The following TRPM3 variants were observed in gnomAD, a reference collection of about 807,000 sequenced individuals.
TRPM3 encodes transient receptor potential cation channel subfamily M member 3, also known as long transient receptor potential channel 3.
TRPM3 carries 77 observed loss-of-function variants against 181.2 expected under a neutral mutation model. That is an observed-to-expected ratio of 0.42 (90% CI 0.35 to 0.51). The LOEUF is 0.51. TRPM3 is among the 20% of genes least tolerant of loss of function. TRPM3 has a pLI of 0.01. For synonymous variants in TRPM3, 745 were observed against 796.4 expected (o/e 0.94, Z 1.09); for missense variants, 1,759 against 2,196.7 (o/e 0.80, Z 3.98).
chr9:71,116,886 C>T (rs373885912), intron 1 of TRPM3, among the ~76,000 whole-genome samples: 98 of 152,278 alleles, frequency 6.4e-4, no homozygotes, highest in African/African-American at 2.3e-3. Flanking sequence ...CCATGGGGCT[C>T]ATCCTCATTA....
At chr9:71,371,991 C>G (rs547929940) in intron 1 of TRPM3, among the ~76,000 whole-genome samples, 1 of 152,244 alleles carries the variant, frequency 6.6e-6, no homozygotes, top group South Asian at 2.1e-4. Context: ...CACATCCCCC[C>G]CACAGGTGCC....
At position 71,120,172 on chromosome 9, in the gene TRPM3, T is replaced by C. The variant is rs192667396; in HGVS notation, c.177+1006A>G. Among the ~76,000 whole-genome samples, 237 of 152,378 alleles carry C rather than the reference T, an allele frequency of 1.6e-3. 1 individual carries two copies. Among genetic ancestry groups the C allele is most frequent in the African/African-American group, 5.3e-3 (222 of 41,582 alleles). ...GGGCTAATTCATTAATTCTCCATTG[T>C]AGCCCACTGGACTCAATGCTCTGTG... On this transcript the variant is annotated intron_variant, in intron 1 of 25. Coordinates refer to ENST00000677713, the MANE Select transcript of TRPM3 (RefSeq NM_001366145.2).
chr9:71,133,614 G>C (rs974444389), intron 1 of TRPM3, among the ~76,000 whole-genome samples: 1 of 151,966 alleles, frequency 6.6e-6, no homozygotes, highest in Non-Finnish European at 1.5e-5. Context: ...TCTTTTATTA[G>C]AGTTTTAATT....
intron 6 of TRPM3, among the ~76,000 whole-genome samples, chr9:70,785,932 G>A (rs1346727226): frequency 6.6e-6 from 1 of 152,158 alleles, no homozygotes; most frequent in Non-Finnish European, 1.5e-5. Flanking sequence ...GGAACTGGGA[G>A]AGACAAGTGA....
intron 1 of TRPM3, among the ~76,000 whole-genome samples, chr9:71,224,790 A>T (rs890428581): frequency 6.6e-6 from 1 of 152,164 alleles, no homozygotes; most frequent in East Asian, 1.9e-4. Flanking sequence ...AAAAGAAAAA[A>T]AAAAGAAAGA....
chr9:71,161,766 C>T (rs2076283214), intron 1 of TRPM3, among the ~76,000 whole-genome samples: 1 of 152,092 alleles, frequency 6.6e-6, no homozygotes, highest in African/African-American at 2.4e-5. Flanking sequence ...AAAGATGCTA[C>T]ATTCTAGTAA....
intron 1 of TRPM3, among the ~76,000 whole-genome samples, chr9:71,319,408 C>T (rs941250337): frequency 1.3e-5 from 2 of 152,114 alleles, no homozygotes; most frequent in Non-Finnish European, 2.9e-5. Context: ...AATATCAAGA[C>T]CCAAGAGCCA....
intron 1 of TRPM3, among the ~76,000 whole-genome samples, chr9:71,438,383 G>A (rs1030699273): frequency 1.3e-5 from 2 of 152,026 alleles, no homozygotes; most frequent in African/African-American, 4.8e-5. Context: ...TTTTAATAGA[G>A]TCCTGGGTGG....
chr9:71,410,661 C>A (rs976963142), intron 1 of TRPM3, among the ~76,000 whole-genome samples: 1 of 152,132 alleles, frequency 6.6e-6, no homozygotes, highest in East Asian at 1.9e-4. Flanking sequence ...GGATTCACAG[C>A]CAAATTCTAC....
intron 1 of TRPM3, among the ~76,000 whole-genome samples, chr9:70,946,062 G>T (rs529939972): frequency 1.2e-4 from 19 of 152,240 alleles, no homozygotes; most frequent in Middle Eastern, 3.4e-3. Flanking sequence ...TAGTACAAAT[G>T]ATCAAATATA....
chr9:71,272,679 T>G (rs1259582732), intron 1 of TRPM3, among the ~76,000 whole-genome samples: 3 of 152,166 alleles, frequency 2.0e-5, no homozygotes, highest in African/African-American at 7.2e-5. Context: ...TAATAGAAAC[T>G]GTATAAATAT....
chr9:70,970,228 T>C (rs571422620), intron 1 of TRPM3, among the ~76,000 whole-genome samples: 2 of 152,244 alleles, frequency 1.3e-5, no homozygotes, highest in South Asian at 4.1e-4. Context: ...CCAGAGTGAC[T>C]CTAACAAAAT....
chr9:70,919,720 A>G lies in TRPM3; in HGVS notation c.178-55209T>C, dbSNP rs547093748. On this transcript the variant is annotated intron_variant, in intron 1 of 25. Coordinates refer to ENST00000677713, the MANE Select transcript of TRPM3 (RefSeq NM_001366145.2). ...AATCTCTTGATCCTGGGAGGTGGAGATTGCAGTGAGCCAAGATCACGCCAT... is the reference window on the plus strand; with the variant it reads ...AATCTCTTGATCCTGGGAGGTGGAGGTTGCAGTGAGCCAAGATCACGCCAT... Among the ~76,000 whole-genome samples, 7 of 150,344 alleles carry G rather than the reference A, an allele frequency of 4.7e-5. No homozygotes were observed. The Admixed American group carries it at 4.7e-4, about 10-fold the overall frequency.
chr9:71,032,169 T>G (rs1339601393), intron 1 of TRPM3, among the ~76,000 whole-genome samples: 105 of 106,126 alleles, frequency 9.9e-4, no homozygotes, highest in African/African-American at 3.2e-3. Flanking sequence ...ATATAATATA[T>G]TATATATACT....
At chr9:70,849,396 C>T (rs7028963) in intron 3 of TRPM3, among the ~76,000 whole-genome samples, 55,595 of 151,900 alleles carry the variant, frequency 0.37, 10,558 homozygotes, top group Non-Finnish European at 0.38. Flanking sequence ...CTGCCCACCT[C>T]GGCCTCTCAA....
intron 1 of TRPM3, among the ~76,000 whole-genome samples, chr9:71,096,726 G>C (rs1341368286): frequency 6.6e-6 from 1 of 151,662 alleles, no homozygotes; most frequent in Non-Finnish European, 1.5e-5. Context: ...ATCATTATCT[G>C]TAAACAAACA....
chr9:71,254,560 T>C (rs925964159), intron 1 of TRPM3, among the ~76,000 whole-genome samples: 7 of 152,230 alleles, frequency 4.6e-5, no homozygotes, highest in Admixed American at 2.6e-4. Context: ...TTCCACAATG[T>C]ATACATATTT....
intron 1 of TRPM3, among the ~76,000 whole-genome samples, chr9:71,020,839 C>T (rs2097841635): frequency 6.6e-6 from 1 of 152,150 alleles, no homozygotes; most frequent in African/African-American, 2.4e-5. Context: ...TGAAAATTCT[C>T]ATAGTCTACA....
At chr9:70,607,174 G>A (rs894976542) in intron 19 of TRPM3, among the ~76,000 whole-genome samples, 4 of 152,158 alleles carry the variant, frequency 2.6e-5, no homozygotes, top group Non-Finnish European at 4.4e-5. Flanking sequence ...AACTTGCTAC[G>A]ATGCAGAAGT....
Sources: allele counts gnomAD v4.1 joint callset (sites outside exome capture counted in the v4.1 genomes callset), GRCh38; gene constraint gnomAD v4.1.1; transcripts MANE v1.5; gene names NCBI Gene and HGNC (gene_info 2026-07-23, HGNC 2026-07-21).